Variants in FGFR3 observed in about 807,000 individuals in gnomAD.
FGFR3 encodes FGFR-3.
In FGFR3, 25 loss-of-function variants were observed where a neutral mutation model predicts 82.9. The observed-to-expected ratio is 0.30, with a 90% confidence interval of 0.22 to 0.42. FGFR3 has a LOEUF of 0.42. Among genes scored for constraint, FGFR3 ranks in the 10% least tolerant of loss-of-function variants. FGFR3 has a pLI of 1.00. For missense variants in FGFR3, 1,026 were observed against 1,161.0 expected, an observed-to-expected ratio of 0.88 and a Z score of 1.69; for synonymous variants, 620 against 516.0, an observed-to-expected ratio of 1.20 and a Z score of -2.73.
Position 1,796,173 on chromosome 4 carries a change from A to G in FGFR3, c.109+2130A>G, listed in dbSNP as rs569007813. Among the ~76,000 whole-genome samples the G allele has an allele frequency of 6.6e-5, 10 of 152,276 alleles. No individual in the cohort carries two copies. In the South Asian group the frequency reaches 1.4e-3, roughly 22 times the overall value. ...GGAGTGGAGCCACCTTTGGTGGGGT[A>G]GGGGTCAGCCTGGACCTCTAGGCTG... is the stretch of plus-strand genomic sequence containing the variant. On this transcript the variant is annotated intron_variant, in intron 2 of 17. Coordinates refer to ENST00000440486, the MANE Select transcript of FGFR3 (RefSeq NM_000142.5).
At chr4:1,804,740 C>A (rs556410126) in intron 9 of FGFR3, 84 bp from the exon 10 acceptor site, 3 of 1,521,130 alleles carry the variant, frequency 2.0e-6, no homozygotes, top group African/African-American at 2.8e-5. Flanking sequence ...AACGCCCCCC[C>A]TTCTGGCCCA....
chr4:1,805,528 G>C (rs375695682), intron 11 of FGFR3, 31 bp from the exon 12 acceptor site: 2 of 1,612,504 alleles, frequency 1.2e-6, no homozygotes, highest in African/African-American at 2.7e-5. Context: ...CGCCGCCGCC[G>C]CCTGACACAG....
intron 4 of FGFR3, among the ~76,000 whole-genome samples, chr4:1,800,527 T>A (rs1721057391): frequency 6.6e-6 from 1 of 151,862 alleles, no homozygotes; most frequent in Non-Finnish European, 1.5e-5. Context: ...GCTGAGTCCA[T>A]GAGAGAAACA....
chr4:1,802,627 C>A (rs1721333340), intron 7 of FGFR3, among the ~76,000 whole-genome samples: 1 of 152,306 alleles, frequency 6.6e-6, no homozygotes, highest in Non-Finnish European at 1.5e-5. Flanking sequence ...CCCAGAGAGG[C>A]CGCCTCGGGC....
At chr4:1,802,867 G>T in intron 7 of FGFR3, 9 of 1,547,644 alleles carry the variant, frequency 5.8e-6, no homozygotes, top group Non-Finnish European at 7.8e-6. Flanking sequence ...CGTGCCCGGC[G>T]GGGCTGCCTC....
rs565756457 is a variant in FGFR3 at position 1,798,581 on chromosome 4, C to G, written c.110-673C>G. ...GCGCTGCTCCGGCCTGTGCTCTGAC[C>G]GGTGAACCCGCGCATCGCCCCCCAG... is the stretch of plus-strand genomic sequence containing the variant. On this transcript the variant is annotated intron_variant, in intron 2 of 17. Coordinates refer to ENST00000440486, the MANE Select transcript of FGFR3 (RefSeq NM_000142.5). 2.6e-5 allele frequency among the ~76,000 whole-genome samples: 4 copies of G among 151,794 alleles called. No homozygotes were observed. The East Asian group carries it at 7.7e-4, about 29-fold the overall frequency.
chr4:1,801,641 C>G lies in FGFR3; in HGVS notation c.637C>G (p.Leu213Val). ...GCAGCTGCGGCATCAGCAGTGGAGC[C>G]TGGTCATGGAAAGCGTGGTGCCCTC... ...GIKLRHQQWS[L>V]VMESVVPSDR... Residue 213 changes from leucine to valine, a missense_variant, in exon 6 of 18, where the codon CTG (leucine) becomes GTG (valine). Leu to Val is a conservative substitution (Grantham distance 32). This residue lies in a region of FGFR3 where 147 missense variants were observed against 228.1 expected (regional missense o/e 0.64). Transcript: ENST00000440486. The G allele has an allele frequency of 6.2e-7, 1 of 1,611,112 alleles. No individual in the cohort carries two copies. Among genetic ancestry groups the G allele is most frequent in the Non-Finnish European group, 8.5e-7 (1 of 1,179,260 alleles).
intron 7 of FGFR3, chr4:1,802,939 C>T (rs752936320): frequency 1.9e-6 from 3 of 1,602,550 alleles, no homozygotes; most frequent in South Asian, 1.1e-5. Flanking sequence ...AGTGTGGAGG[C>T]CGACGTGCGC....
Position 1,794,024 on chromosome 4 carries a change from C to T in FGFR3, c.90C>T (p.Arg30=), listed in dbSNP as rs764622260. ...CGGAGTCCTTGGGGACGGAGCAGCG[C>T]GTCGTGGGGCGAGCGGCAGGTAAGA... ...ASSESLGTEQ[R]VVGRAAEVPG... Residue 30 remains arginine, a synonymous_variant, in exon 2 of 18, where the codon CGC becomes CGT. Transcript: ENST00000440486. 7.1e-7 allele frequency: 1 copy of T among 1,413,298 alleles called. No individual in the cohort carries two copies. Among genetic ancestry groups the T allele is most frequent in the Non-Finnish European group, 9.3e-7 (1 of 1,071,486 alleles). The allele number at this position is 1,413,298 out of a possible 1,614,324, so 87.5% of individuals were successfully genotyped here. A position where few individuals can be genotyped will look rare whatever the true frequency, so the allele number is the denominator to read the frequency against.
intron 8 of FGFR3, 149 bp from the exon 9 acceptor site, chr4:1,804,181 T>C (rs931551712): frequency 1.1e-6 from 1 of 907,008 alleles, no homozygotes; most frequent in Admixed American, 2.6e-5. Context: ...CTGGCGTTAC[T>C]GACTGCGAGA....
At chr4:1,803,233 C>T (rs1171193377) in intron 7 of FGFR3, 12 of 807,706 alleles carry the variant, frequency 1.5e-5, no homozygotes, top group Admixed American at 4.1e-5. Flanking sequence ...GGTGACCGCC[C>T]GCTTCGAGCC....
chr4:1,800,704 G>T (rs1433455114), intron 4 of FGFR3, among the ~76,000 whole-genome samples: 1 of 152,122 alleles, frequency 6.6e-6, no homozygotes, highest in Non-Finnish European at 1.5e-5. Flanking sequence ...GGGGAGGGCT[G>T]CTTCCCTCCT....
chr4:1,808,486 A>AG lies in FGFR3; in HGVS notation c.*1228dup, dbSNP rs1722241366. Reference sequence around the variant, plus strand: ...CCAGGCAGGGAGACGGTTTCCAGGGAGGGGCCGGCCCTGTGTGCAGGTTCC... The same window carrying AG: ...CCAGGCAGGGAGACGGTTTCCAGGGAGGGGGCCGGCCCTGTGTGCAGGTTCC... On this transcript the variant is annotated 3_prime_UTR_variant, in exon 18 of 18. Coordinates refer to ENST00000440486, the MANE Select transcript of FGFR3 (RefSeq NM_000142.5). The AG allele has an allele frequency of 4.3e-6, 1 of 231,970 alleles. No homozygotes were observed. Among genetic ancestry groups the AG allele is most frequent in the Non-Finnish European group, 8.5e-6 (1 of 117,094 alleles). 14.4% of individuals were successfully genotyped at this position (231,970 alleles called of 1,614,324 possible). A position where few individuals can be genotyped will look rare whatever the true frequency, so the allele number is the denominator to read the frequency against.
At chr4:1,801,037 G>C (rs1180634846) in intron 4 of FGFR3, among the ~76,000 whole-genome samples, 1 of 152,196 alleles carries the variant, frequency 6.6e-6, no homozygotes, top group Non-Finnish European at 1.5e-5. Context: ...CCTGCCCCCT[G>C]GGTCTTCAGT....
intron 15 of FGFR3, 49 bp downstream of exon 15, chr4:1,806,376 G>A (rs1385851035): frequency 6.2e-7 from 1 of 1,609,162 alleles, no homozygotes; most frequent in Non-Finnish European, 8.5e-7. Context: ...CGGGAACTGG[G>A]CAGAGCCAGG....
In FGFR3 at chr4:1,803,742, C is replaced by G. The variant is rs749886786; in HGVS notation, c.981C>G (p.His327Gln). 1.9e-6 allele frequency: 3 copies of G among 1,614,094 alleles called. No homozygotes were observed. Among genetic ancestry groups the G allele is most frequent in the Non-Finnish European group, 2.5e-6 (3 of 1,180,036 alleles). ...TDKELEVLSLHNVTFEDAGEY... is the reference protein window; with the variant it reads ...TDKELEVLSLQNVTFEDAGEY... ...AGGAGCTAGAGGTTCTCTCCTTGCA[C>G]AACGTCACCTTTGAGGACGCCGGGG... Residue 327 changes from histidine (H) to glutamine (Q), a missense_variant, in exon 8 of 18, where the codon CAC becomes CAG. His to Gln is a conservative substitution (Grantham distance 24). This residue lies in a region of FGFR3 where 256 missense variants were observed against 217.6 expected (regional missense o/e 1.18). Transcript: ENST00000440486.
At position 1,804,814 on chromosome 4, in the gene FGFR3, A is replaced by T. The variant is rs2108799659; in HGVS notation, c.1267-10A>T. The T allele has an allele frequency of 6.5e-7, 1 of 1,549,408 alleles. No homozygotes were observed. Among genetic ancestry groups the T allele is most frequent in the Non-Finnish European group, 8.7e-7 (1 of 1,146,912 alleles). On this transcript the variant is annotated splice_polypyrimidine_tract_variant and intron_variant, in intron 9 of 17. Transcript: ENST00000440486. ...ACGCGGCGCCAACCTGCCCCTGCTG[A>T]CCCAAGCAGGTGTCCCTGGAGTCCA...
rs542820391 is a variant in FGFR3, at chr4:1,805,522, G to A, written c.1535-37G>A. On this transcript the variant is annotated intron_variant, in intron 11 of 17. Coordinates refer to ENST00000440486, the MANE Select transcript of FGFR3 (RefSeq NM_000142.5). The stretch of plus-strand genomic sequence containing the variant: ...GGTGCAGAGCAGGGCTGGGGGCGCC[G>A]CCGCCGCCTGACACAGGCCCCCCGC... The A allele has an allele frequency of 8.9e-5, 143 of 1,612,460 alleles. 1 individual carries two copies. In the Middle Eastern group the frequency reaches 1.8e-3, roughly 20 times the overall value.
chr4:1,797,170 G>A (rs1720613295), intron 2 of FGFR3, among the ~76,000 whole-genome samples: 2 of 152,178 alleles, frequency 1.3e-5, no homozygotes, highest in Admixed American at 6.5e-5. Flanking sequence ...AAGAAAGAAA[G>A]AACCCTTCCT....
Sources: allele counts gnomAD v4.1 joint callset (sites outside exome capture counted in the v4.1 genomes callset), GRCh38; gene constraint gnomAD v4.1.1; regional missense constraint gnomAD v4.1.1; transcripts MANE v1.5; gene names NCBI Gene and HGNC (gene_info 2026-07-23, HGNC 2026-07-21).